The following KCNIP4 variants were observed in gnomAD, a reference collection of about 807,000 sequenced individuals.
KCNIP4 encodes Kv channel-interacting protein 4.
KCNIP4 carries 12 observed loss-of-function variants against 34.0 expected under a neutral mutation model. That is an observed-to-expected ratio of 0.35 (90% CI 0.23 to 0.57). The LOEUF (loss-of-function observed/expected upper bound fraction) is 0.57. Ranked by LOEUF, KCNIP4 falls within the 20% of genes least tolerant of loss-of-function variation. KCNIP4 has a pLI of 0.83. For missense variants in KCNIP4, 238 were observed against 311.7 expected (o/e 0.76, Z 1.78); for synonymous variants, 124 against 102.2 (o/e 1.21, Z -1.29).
At position 20,792,033 on chromosome 4, in the gene KCNIP4, G is replaced by A. The variant is rs187742167; in HGVS notation, c.289-33143C>T. The stretch of plus-strand genomic sequence containing the variant: ...AACTTCTATATATACATCTATACAC[G>A]TTATTGATTGTTTCTCTGGAGAAGG... On this transcript the variant is annotated intron_variant, in intron 3 of 8. Transcript: ENST00000382152. 8.7e-3 allele frequency among the ~76,000 whole-genome samples: 1,331 copies of A among 152,204 alleles called. 11 individuals carry two copies. The highest frequency in any genetic ancestry group is 0.012 in the Non-Finnish European group (839 of 68,016).
chr4:21,825,276 G>GA (rs914273030), intron 1 of KCNIP4, among the ~76,000 whole-genome samples: 378 of 147,428 alleles, frequency 2.6e-3, no homozygotes, highest in Middle Eastern at 0.021. Flanking sequence ...AAATAAACAT[G>GA]AAAAAAAAAA....
At chr4:21,755,815 G>A (rs1362943075) in intron 1 of KCNIP4, among the ~76,000 whole-genome samples, 1 of 152,154 alleles carries the variant, frequency 6.6e-6, no homozygotes, top group Non-Finnish European at 1.5e-5. Context: ...AGTGACTGAT[G>A]TTCTAGCTCA....
chr4:21,291,935 GAAAAAA>G (rs1202086938), intron 1 of KCNIP4, among the ~76,000 whole-genome samples: 1 of 74,220 alleles, frequency 1.3e-5, no homozygotes, highest in Non-Finnish European at 2.4e-5. Context: ...AAGAAAGAAA[GAAAAAA>G]AAAGAAAAAA....
chr4:21,303,898 C>G, intron 1 of KCNIP4: 1 of 1,613,930 alleles, frequency 6.2e-7, no homozygotes, highest in Non-Finnish European at 8.5e-7. Context: ...CAAGCCCTTC[C>G]AAGTTCATGG....
intron 1 of KCNIP4, among the ~76,000 whole-genome samples, chr4:21,069,144 T>C (rs76200513): frequency 0.24 from 35,926 of 151,974 alleles, 4,249 homozygotes; most frequent in Middle Eastern, 0.31. Context: ...TAGCAATAAA[T>C]AGTAGTACAA....
chr4:21,173,485 C>T (rs911811617), intron 1 of KCNIP4, among the ~76,000 whole-genome samples: 2 of 152,118 alleles, frequency 1.3e-5, no homozygotes, highest in Admixed American at 6.6e-5. Flanking sequence ...GGCTCCCTTC[C>T]GGGTGCGGTG....
At chr4:21,111,567 C>T (rs775057255) in intron 1 of KCNIP4, among the ~76,000 whole-genome samples, 15 of 152,180 alleles carry the variant, frequency 9.9e-5, no homozygotes, top group Non-Finnish European at 1.6e-4. Context: ...GGCAGACTGG[C>T]CTGCCTCAGT....
chr4:20,842,178 A>G (rs1719809629), intron 3 of KCNIP4, among the ~76,000 whole-genome samples: 1 of 152,176 alleles, frequency 6.6e-6, no homozygotes, highest in Non-Finnish European at 1.5e-5. Flanking sequence ...TACCTTTTAC[A>G]GTGATGAGCC....
chr4:21,229,120 A>G (rs1758618054), intron 1 of KCNIP4, among the ~76,000 whole-genome samples: 1 of 152,132 alleles, frequency 6.6e-6, no homozygotes, highest in Non-Finnish European at 1.5e-5. Context: ...GACTATAATC[A>G]TGCTTTTTGC....
At chr4:21,687,297 T>C (rs1317498545) in intron 1 of KCNIP4, among the ~76,000 whole-genome samples, 1 of 146,994 alleles carries the variant, frequency 6.8e-6, no homozygotes, top group Non-Finnish European at 1.5e-5. Flanking sequence ...TGTGCACATA[T>C]ACCCTAAAAC....
chr4:21,143,253 T>A (rs147763936), intron 1 of KCNIP4, among the ~76,000 whole-genome samples: 4 of 152,302 alleles, frequency 2.6e-5, no homozygotes, highest in African/African-American at 9.6e-5. Flanking sequence ...CGTCCACTGG[T>A]GGCAGGGGGA....
chr4:21,925,200 A>T (rs5027720), intron 1 of KCNIP4, among the ~76,000 whole-genome samples: 4,589 of 151,904 alleles, frequency 0.03, 97 homozygotes, highest in Non-Finnish European at 0.045. Flanking sequence ...CGTCATTTAC[A>T]TTAGGTATAT....
chr4:20,734,832 C>G (rs149194931), intron 5 of KCNIP4, 97 bp from the exon 6 acceptor site: 8 of 591,388 alleles, frequency 1.4e-5, no homozygotes, highest in Admixed American at 3.3e-5. Flanking sequence ...CCCTCTGGAT[C>G]TTGAACATTT....
chr4:21,379,587 G>A (rs1317878582), intron 1 of KCNIP4, among the ~76,000 whole-genome samples: 2 of 152,114 alleles, frequency 1.3e-5, no homozygotes, highest in Non-Finnish European at 2.9e-5. Context: ...ATTTTCCCAA[G>A]TGATTATAGA....
intron 1 of KCNIP4, among the ~76,000 whole-genome samples, chr4:21,716,340 G>A (rs534747482): frequency 4.6e-5 from 7 of 152,164 alleles, no homozygotes; most frequent in South Asian, 2.1e-4. Context: ...GGGTTCAAGC[G>A]ATTCTTCTGC....
At chr4:21,443,881 C>G (rs1264922268) in intron 1 of KCNIP4, among the ~76,000 whole-genome samples, 3 of 151,988 alleles carry the variant, frequency 2.0e-5, no homozygotes, top group Non-Finnish European at 4.4e-5. Context: ...TGCAGTGAGT[C>G]ATTACATCAC....
chr4:20,829,742 A>G (rs1292220137), intron 3 of KCNIP4, among the ~76,000 whole-genome samples: 1 of 151,854 alleles, frequency 6.6e-6, no homozygotes, highest in Non-Finnish European at 1.5e-5. Flanking sequence ...AATAGCCTCT[A>G]CTCTCATTCC....
intron 3 of KCNIP4, among the ~76,000 whole-genome samples, chr4:20,828,811 T>C (rs1718073793): frequency 6.6e-6 from 1 of 152,212 alleles, no homozygotes; most frequent in South Asian, 2.1e-4. Context: ...ATTTTTGATG[T>C]ATGGATGCTG....
intron 1 of KCNIP4, among the ~76,000 whole-genome samples, chr4:21,105,359 T>C (rs1240574290): frequency 1.3e-5 from 2 of 151,790 alleles, no homozygotes; most frequent in African/African-American, 2.4e-5. Context: ...TTTGAAGCAA[T>C]TGTGAATGGG....
Sources: allele counts gnomAD v4.1 joint callset (sites outside exome capture counted in the v4.1 genomes callset), GRCh38; gene constraint gnomAD v4.1.1; transcripts MANE v1.5; gene names NCBI Gene and HGNC (gene_info 2026-07-23, HGNC 2026-07-21).